Variants in MAST4 observed in about 807,000 individuals in gnomAD.
MAST4 encodes the protein microtubule associated serine/threonine kinase family member 4.
MAST4 carries 89 observed loss-of-function variants against 162.7 expected under a neutral mutation model. The observed-to-expected ratio is 0.55, with a 90% CI of 0.46 to 0.65. The LOEUF (loss-of-function observed/expected upper bound fraction) is 0.65. Among genes scored for constraint, MAST4 ranks in the 30% least tolerant of loss-of-function variants. The pLI is 0.00. For synonymous variants in MAST4, 1,479 were observed against 1,361.1 expected, an observed-to-expected ratio of 1.09 and a Z score of -1.91; for missense variants, 3,153 against 3,374.0, an observed-to-expected ratio of 0.93 and a Z score of 1.62.
At chr5:66,823,620 G>C (rs116433017) in intron 3 of MAST4, among the ~76,000 whole-genome samples, 4,084 of 152,140 alleles carry the variant, frequency 0.027, 90 homozygotes, top group South Asian at 0.047. Context: ...TGGGATTACA[G>C]GTGTGTGTGC....
At chr5:67,051,377 T>C (rs1038948127) in intron 4 of MAST4, among the ~76,000 whole-genome samples, 10 of 152,054 alleles carry the variant, frequency 6.6e-5, no homozygotes, top group African/African-American at 2.4e-4. Context: ...GGCAGGAAAG[T>C]GTGTGATACC....
intron 4 of MAST4, among the ~76,000 whole-genome samples, chr5:66,983,060 C>T (rs2150246261): frequency 6.6e-6 from 1 of 152,268 alleles, no homozygotes; most frequent in East Asian, 1.9e-4. Flanking sequence ...TGAATATTGC[C>T]TTGACTATGT....
At chr5:66,807,198 C>T (rs6891269) in intron 3 of MAST4, among the ~76,000 whole-genome samples, 7,353 of 152,276 alleles carry the variant, frequency 0.048, 265 homozygotes, top group South Asian at 0.13. Context: ...CTTTTAGTTA[C>T]TTAAAAATGT....
At position 67,078,921 on chromosome 5, in the gene MAST4, T is replaced by TA. The variant is rs1313077083; in HGVS notation, c.764-11240dup. Among the ~76,000 whole-genome samples, 64 of 73,314 alleles carry TA rather than the reference T, an allele frequency of 8.7e-4. 2 individuals are homozygous for TA. The highest frequency in any genetic ancestry group is 1.4e-3 in the Non-Finnish European group (59 of 43,376). 48.1% of individuals were successfully genotyped at this position (73,314 alleles called of 152,430 possible). ...ATATATTTTTATATAAATATATATATATATATATATATATATATATATATA... is the reference window on the plus strand; with the variant it reads ...ATATATTTTTATATAAATATATATATAATATATATATATATATATATATATA... On this transcript the variant is annotated intron_variant, in intron 5 of 28. Transcript: ENST00000403625.
intron 14 of MAST4, among the ~76,000 whole-genome samples, chr5:67,127,596 G>A (rs1229137409): frequency 6.6e-6 from 1 of 152,000 alleles, no homozygotes; most frequent in Non-Finnish European, 1.5e-5. Flanking sequence ...ACTTGATCGC[G>A]GTGGATAAAA....
chr5:66,891,634 C>G (rs926539074), intron 3 of MAST4, among the ~76,000 whole-genome samples: 13 of 152,158 alleles, frequency 8.5e-5, no homozygotes, highest in Admixed American at 2.0e-4. Flanking sequence ...GATCTCTGTT[C>G]CAGCCATGTT....
At chr5:67,082,909 TTAAAA>T (rs1273122564) in intron 5 of MAST4, among the ~76,000 whole-genome samples, 2 of 152,278 alleles carry the variant, frequency 1.3e-5, no homozygotes, top group African/African-American at 2.4e-5. Flanking sequence ...ATTTGAAATA[TTAAAA>T]TAAAAAGTCA....
chr5:67,060,644 A>AT (rs1009549981), intron 5 of MAST4, among the ~76,000 whole-genome samples: 45 of 151,908 alleles, frequency 3.0e-4, no homozygotes, highest in African/African-American at 4.8e-4. Flanking sequence ...CGCCTGGCTA[A>AT]TTTTTTGTAT....
intron 1 of MAST4, among the ~76,000 whole-genome samples, chr5:66,638,135 C>T (rs1745242283): frequency 6.6e-6 from 1 of 152,142 alleles, no homozygotes; most frequent in South Asian, 2.1e-4. Context: ...TCAAGAGCTC[C>T]TTACTCTTAC....
chr5:66,596,885 C>T lies in MAST4; in HGVS notation c.230C>T (p.Ala77Val). ...PPLGGTLGAR[A>V]PAAWAPASVL... ...TTGGGAGGCACCCTGGGCGCCCGGGCGCCCGCCGCGTGGGCTCCGGCAAGC... is the reference window on the plus strand; with the variant it reads ...TTGGGAGGCACCCTGGGCGCCCGGGTGCCCGCCGCGTGGGCTCCGGCAAGC... Residue 77 changes from alanine to valine, a missense_variant, in exon 1 of 29, where the codon GCG (alanine) becomes GTG (valine). By Grantham distance (64) the Ala-to-Val change is moderately conservative (BLOSUM62 0). Transcript: ENST00000403625. 1 of 1,292,886 alleles carries T rather than the reference C, an allele frequency of 7.7e-7. No homozygotes were observed. Among genetic ancestry groups the T allele is most frequent in the Non-Finnish European group, 9.8e-7 (1 of 1,023,578 alleles). The allele number at this position is 1,292,886 out of a possible 1,614,324, so 80.1% of individuals were successfully genotyped here.
At chr5:66,707,752 G>C (rs1042922304) in intron 1 of MAST4, among the ~76,000 whole-genome samples, 9 of 152,132 alleles carry the variant, frequency 5.9e-5, no homozygotes, top group South Asian at 4.1e-4. Flanking sequence ...ATGGTGGTAG[G>C]GGGGAGCAGA....
chr5:66,831,274 C>T (rs1416034261), intron 3 of MAST4, among the ~76,000 whole-genome samples: 1 of 152,070 alleles, frequency 6.6e-6, no homozygotes, highest in Non-Finnish European at 1.5e-5. Context: ...ACCTAGTAAA[C>T]ATTTATTTAC....
At chr5:66,800,824 C>T (rs1370091406) in intron 3 of MAST4, among the ~76,000 whole-genome samples, 1 of 152,166 alleles carries the variant, frequency 6.6e-6, no homozygotes, top group African/African-American at 2.4e-5. Flanking sequence ...CTTCATGAAT[C>T]TTCTTTTTGT....
At chr5:67,151,346 C>T (rs979109905) in intron 24 of MAST4, among the ~76,000 whole-genome samples, 20 of 152,186 alleles carry the variant, frequency 1.3e-4, no homozygotes, top group African/African-American at 4.1e-4. Context: ...TCTATTTCCT[C>T]ACATGGCAGA....
intron 3 of MAST4, among the ~76,000 whole-genome samples, chr5:66,896,246 G>A (rs1375762050): frequency 3.3e-5 from 5 of 152,000 alleles, no homozygotes; most frequent in African/African-American, 7.2e-5. Context: ...GCTTTTTCAC[G>A]ATTAGACTGG....
chr5:66,611,570 C>G, intron 1 of MAST4, among the ~76,000 whole-genome samples: 1 of 152,184 alleles, frequency 6.6e-6, no homozygotes, highest in East Asian at 1.9e-4. Flanking sequence ...TCCTTCAGAG[C>G]CTCTCTTGAT....
intron 4 of MAST4, among the ~76,000 whole-genome samples, chr5:66,953,183 A>G (rs969615932): frequency 3.3e-5 from 5 of 152,198 alleles, no homozygotes; most frequent in African/African-American, 1.2e-4. Context: ...TTAAGAATAT[A>G]TAAATAATTG....
chr5:66,769,634 A>G (rs6890788), intron 2 of MAST4, among the ~76,000 whole-genome samples: 6,432 of 152,312 alleles, frequency 0.042, 428 homozygotes, highest in African/African-American at 0.15. Flanking sequence ...AAAATGTAAC[A>G]TAAGTATTTA....
chr5:67,068,547 G>A lies in MAST4; in HGVS notation c.763+14055G>A, dbSNP rs553752248. On this transcript the variant is annotated intron_variant, in intron 5 of 28. Coordinates refer to ENST00000403625, the MANE Select transcript of MAST4 (RefSeq NM_001164664.2). ...TTCCCCTGGGTCCCTCCCACAACAT[G>A]TGGGGATTATAGGAAGTACAATTCA... is the stretch of plus-strand genomic sequence containing the variant. Among the ~76,000 whole-genome samples the A allele has an allele frequency of 4.5e-4, 68 of 152,272 alleles. 2 individuals carry two copies. Among genetic ancestry groups the A allele is most frequent in the South Asian group, 4.4e-3 (21 of 4,818 alleles).
Sources: gnomAD v4.1 joint callset for allele counts (sites outside exome capture counted in the v4.1 genomes callset) on GRCh38, gnomAD v4.1.1 for gene constraint, MANE v1.5 for transcripts, NCBI Gene and HGNC (gene_info 2026-07-23, HGNC 2026-07-21) for gene names.